SASH1: variants seen among roughly 807,000 people sequenced by gnomAD.
SASH1 encodes the protein SAM and SH3 domain containing 1, also known as SAM and SH3 domain-containing protein 1.
SASH1 carries 44 observed loss-of-function variants against 125.2 expected under a neutral mutation model. That is an observed-to-expected ratio of 0.35 (90% CI 0.28 to 0.45). SASH1 has a LOEUF of 0.45. Among genes scored for constraint, SASH1 ranks in the 20% least tolerant of loss-of-function variants. The probability of loss-of-function intolerance (pLI) is 1.00; values close to 1 mark genes in which losing one functional copy is unlikely to be tolerated. For synonymous variants in SASH1, 639 were observed against 649.1 expected, an observed-to-expected ratio of 0.98 and a Z score of 0.24; for missense variants, 1,426 against 1,614.5, an observed-to-expected ratio of 0.88 and a Z score of 2.00.
intron 2 of SASH1, among the ~76,000 whole-genome samples, chr6:148,394,443 G>C (rs561094867): frequency 6.6e-6 from 1 of 152,270 alleles, no homozygotes; most frequent in Non-Finnish European, 1.5e-5. Context: ...TCATTTCCTT[G>C]AAAAGCTGTG....
intron 2 of SASH1, among the ~76,000 whole-genome samples, chr6:148,394,897 G>C (rs1424309414): frequency 6.6e-6 from 1 of 152,108 alleles, no homozygotes; most frequent in Non-Finnish European, 1.5e-5. Context: ...ACCTGCCTCG[G>C]CCTCCCAAAG....
At chr6:148,490,980 CT>C (rs1463887131) in intron 8 of SASH1, among the ~76,000 whole-genome samples, 2 of 152,114 alleles carry the variant, frequency 1.3e-5, no homozygotes, top group African/African-American at 4.8e-5. Context: ...CAAAATTTTC[CT>C]GGTAAAAATC....
intron 8 of SASH1, chr6:148,513,087 TTCTTC>T: frequency 1.0e-6 from 1 of 985,476 alleles, no homozygotes; most frequent in Non-Finnish European, 1.2e-6. Context: ...ACTCTACTTC[TTCTTC>T]TCTTGAGGTA....
At chr6:148,421,217 AAG>A (rs1339746819) in intron 2 of SASH1, among the ~76,000 whole-genome samples, 2 of 146,750 alleles carry the variant, frequency 1.4e-5, no homozygotes, top group African/African-American at 5.0e-5. Flanking sequence ...AAGAAAGAAA[AAG>A]AAAGAAAGAA....
chr6:148,407,958 A>G (rs1250513494), intron 2 of SASH1, among the ~76,000 whole-genome samples: 1 of 151,906 alleles, frequency 6.6e-6, no homozygotes, highest in African/African-American at 2.4e-5. Flanking sequence ...AGGAACCTCC[A>G]TACTGGCTAT....
intron 8 of SASH1, among the ~76,000 whole-genome samples, chr6:148,511,207 A>ATGAG (rs139973521): frequency 0.085 from 12,974 of 152,124 alleles, 672 homozygotes; most frequent in Non-Finnish European, 0.12. Context: ...CTCTGGACTC[A>ATGAG]GTAGGAAGTG....
At chr6:148,365,083 A>G (rs1360929345) in intron 1 of SASH1, among the ~76,000 whole-genome samples, 2 of 151,898 alleles carry the variant, frequency 1.3e-5, no homozygotes, top group South Asian at 4.2e-4. Flanking sequence ...AGATCGTGCC[A>G]CTGCACTCCA....
intron 1 of SASH1, among the ~76,000 whole-genome samples, chr6:148,312,253 A>G (rs1467179441): frequency 6.6e-6 from 1 of 152,202 alleles, no homozygotes; most frequent in East Asian, 1.9e-4. Flanking sequence ...GTGTTGTGCA[A>G]TGAAAAGCAT....
At chr6:148,484,777 C>A (rs1286836610) in intron 7 of SASH1, among the ~76,000 whole-genome samples, 1 of 151,978 alleles carries the variant, frequency 6.6e-6, no homozygotes, top group South Asian at 2.1e-4. Context: ...CTCATCTCTA[C>A]AAAAAATACA....
intron 1 of SASH1, among the ~76,000 whole-genome samples, chr6:148,378,194 GGCATGC>G (rs1271662134): frequency 6.6e-6 from 1 of 151,834 alleles, no homozygotes; most frequent in Non-Finnish European, 1.5e-5. Context: ...TGGGATTACA[GGCATGC>G]GCCACCATGC....
chr6:148,465,745 A>T (rs1777804540), intron 4 of SASH1, among the ~76,000 whole-genome samples: 1 of 152,156 alleles, frequency 6.6e-6, no homozygotes, highest in African/African-American at 2.4e-5. Context: ...TTTTTTAAAA[A>T]AATTAAGAAG....
chr6:148,206,586 T>C, the SASH1 span, among the ~76,000 whole-genome samples: 1 of 152,030 alleles, frequency 6.6e-6, no homozygotes, highest in South Asian at 2.1e-4. Flanking sequence ...AGTCAGGAGT[T>C]TGAGACCAAC....
At chr6:148,196,902 A>G in the SASH1 span, among the ~76,000 whole-genome samples, 2 of 88,236 alleles carry the variant, frequency 2.3e-5, no homozygotes, top group Non-Finnish European at 2.4e-5. Flanking sequence ...AGGCATCCAG[A>G]TGAAGGAGAT....
At chr6:148,511,360 C>T (rs1780116117) in intron 8 of SASH1, among the ~76,000 whole-genome samples, 1 of 150,472 alleles carries the variant, frequency 6.6e-6, no homozygotes, top group Non-Finnish European at 1.5e-5. Flanking sequence ...CACACACACA[C>T]ACACACACAC....
chr6:148,420,714 T>A (rs1785022885), intron 2 of SASH1, among the ~76,000 whole-genome samples: 1 of 152,176 alleles, frequency 6.6e-6, no homozygotes, highest in African/African-American at 2.4e-5. Context: ...ACCCTTTGTC[T>A]TTGTCTTTGA....
upstream of SASH1, among the ~76,000 whole-genome samples, chr6:148,339,537 T>C (rs1781263547): frequency 6.6e-6 from 1 of 150,972 alleles, no homozygotes; most frequent in African/African-American, 2.4e-5. Context: ...ATTATAAATA[T>C]AGATATCTAT....
chr6:148,409,880 A>G (rs1784546978), intron 2 of SASH1, among the ~76,000 whole-genome samples: 1 of 152,002 alleles, frequency 6.6e-6, no homozygotes, highest in African/African-American at 2.4e-5. Flanking sequence ...GCGAGGCTGC[A>G]GTGAGCCGAG....
intron 16 of SASH1, among the ~76,000 whole-genome samples, chr6:148,537,691 G>A (rs1781931214): frequency 6.6e-6 from 1 of 151,910 alleles, no homozygotes; most frequent in African/African-American, 2.4e-5. Flanking sequence ...TCTTTCCCAA[G>A]GTAACTGCTC....
intron 7 of SASH1, among the ~76,000 whole-genome samples, chr6:148,481,658 C>A (rs184620596): frequency 6.4e-4 from 98 of 152,222 alleles, no homozygotes; most frequent in Non-Finnish European, 2.5e-4. Flanking sequence ...AATGGCCGGT[C>A]AGTGGAGCCG....
Sources: gnomAD v4.1 joint callset for allele counts (sites outside exome capture counted in the v4.1 genomes callset) on GRCh38, gnomAD v4.1.1 for gene constraint, MANE v1.5 for transcripts, NCBI Gene and HGNC (gene_info 2026-07-23, HGNC 2026-07-21) for gene names.